Variants in SHOX observed in about 807,000 individuals in gnomAD.
SHOX encodes the protein SHOX homeobox, also known as short stature homeobox protein.
SHOX carries 12 observed loss-of-function variants against 29.6 expected under a neutral mutation model. The ratio of observed to expected loss-of-function variants is 0.41; its 90% confidence interval spans 0.26 to 0.66. SHOX has a LOEUF of 0.66. SHOX is among the 30% of genes least tolerant of loss of function. SHOX has a pLI of 0.35. For synonymous variants in SHOX, 214 were observed against 200.6 expected (o/e 1.07, Z -0.57); for missense variants, 499 against 437.7 (o/e 1.14, Z -1.25).
chrX:630,888 G>C lies in SHOX; in HGVS notation c.-10G>C, dbSNP rs754355154. On this transcript the variant is annotated 5_prime_UTR_variant, in exon 1 of 5. Transcript: ENST00000686671. Reference sequence around the variant, plus strand: ...CCAGCCCCGGCTGCTCGCCAGCCCCGGCCCCAGCCATGGAAGAGCTCACGG... The same window carrying C: ...CCAGCCCCGGCTGCTCGCCAGCCCCCGCCCCAGCCATGGAAGAGCTCACGG... 3.1e-6 allele frequency: 5 copies of C among 1,610,756 alleles called. No individual in the cohort carries two copies. Among genetic ancestry groups the C allele is most frequent in the Middle Eastern group, 1.7e-4 (1 of 5,850 alleles).
In SHOX at chrX:630,914, C is replaced by T; in HGVS notation, c.17C>T (p.Ala6Val). Residue 6 changes from alanine (A) to valine (V), a missense_variant, in exon 1 of 5, where the codon GCT becomes GTT. Transcript: ENST00000686671. ...GCCCCAGCCATGGAAGAGCTCACGG[C>T]TTTTGTATCCAAGTCTTTTGACCAG... The part of the protein sequence containing the change: MEELT[A>V]FVSKSFDQKS... 1 of 1,613,614 alleles carries T rather than the reference C, an allele frequency of 6.2e-7. No homozygotes were observed. Among genetic ancestry groups the T allele is most frequent in the Non-Finnish European group, 8.5e-7 (1 of 1,179,840 alleles).
Position 656,826 on chromosome X carries a change from G to A in SHOX, c.634-1959G>A, listed in dbSNP as rs928984108. The stretch of plus-strand genomic sequence containing the variant: ...CCACTGCCCTCCAGCCTGGGCCACA[G>A]AGCAAGACTCCGTCTCAAAAAAAAA... On this transcript the variant is annotated intron_variant, in intron 5 of 5. Transcript: ENST00000334060. 5.3e-5 allele frequency among the ~76,000 whole-genome samples: 7 copies of A among 131,972 alleles called. 1 individual carries two copies. Among genetic ancestry groups the A allele is most frequent in the Non-Finnish European group, 9.4e-5 (6 of 63,642 alleles). 86.6% of individuals were successfully genotyped at this position (131,972 alleles called of 152,430 possible). A position where few individuals can be genotyped will look rare whatever the true frequency, so the allele number is the denominator to read the frequency against.
intron 4 of SHOX, among the ~76,000 whole-genome samples, chrX:643,809 G>A (rs1419953684): frequency 3.5e-4 from 46 of 131,358 alleles, no homozygotes; most frequent in Middle Eastern, 4.4e-3. Context: ...GGTGTCTCGG[G>A]AGAGAGCCTT....
intron 1 of SHOX, among the ~76,000 whole-genome samples, chrX:633,914 C>T (rs1351914341): frequency 6.6e-6 from 1 of 152,128 alleles, no homozygotes; most frequent in African/African-American, 2.4e-5. Context: ...TTCTGACTCC[C>T]CCAGCAAATA....
intron 5 of SHOX, among the ~76,000 whole-genome samples, chrX:658,275 C>A (rs1044955766): frequency 2.0e-5 from 3 of 151,498 alleles, no homozygotes; most frequent in African/African-American, 7.3e-5. Flanking sequence ...ACGCCCGGCC[C>A]CAGGTGGTCT....
downstream of SHOX, among the ~76,000 whole-genome samples, chrX:653,490 C>T (rs2053096460): frequency 6.6e-6 from 1 of 152,100 alleles, no homozygotes; most frequent in African/African-American, 2.4e-5. Flanking sequence ...TGAATGGAAT[C>T]TTCCTGGATA....
At chrX:651,836 C>A (rs958864106), downstream of SHOX, among the ~76,000 whole-genome samples, 2 of 151,952 alleles carry the variant, frequency 1.3e-5, no homozygotes, top group South Asian at 2.1e-4. Context: ...CAACGTCCCC[C>A]CAGAAGGTGG....
chrX:626,247 T>C (rs1301610283), upstream of SHOX, among the ~76,000 whole-genome samples: 1 of 150,924 alleles, frequency 6.6e-6, no homozygotes, highest in Non-Finnish European at 1.5e-5. Context: ...TCTTTCTCTC[T>C]CTCCTCTCTC....
chrX:650,358 G>A lies in SHOX; in HGVS notation c.*5722G>A, dbSNP rs186911358. 6.4e-3 allele frequency among the ~76,000 whole-genome samples: 970 copies of A among 152,094 alleles called. 16 individuals are homozygous for A. The East Asian group carries it at 0.071, about 11-fold the overall frequency. On this transcript the variant is annotated 3_prime_UTR_variant, in exon 5 of 5. Coordinates refer to ENST00000686671, the MANE Select transcript of SHOX (RefSeq NM_000451.4). ...CCCGCCAAAGTCCAGCCAGGCCCCC[G>A]AAATGGTCCCATTTCCTTGGAAGCC...
intron 1 of SHOX, among the ~76,000 whole-genome samples, chrX:624,910 CTTTCTTTCTTTCTTTCTTTCTT>C (rs2052486557): frequency 1.5e-5 from 1 of 68,064 alleles, no homozygotes; most frequent in Non-Finnish European, 2.6e-5. Context: ...TTCTCTCTTC[CTTTCTTTCTTTCTTTCTTTCTT>C]TTCTTTCTTT....
chrX:650,549 G>C lies in SHOX; in HGVS notation c.*5913G>C, dbSNP rs945723451. ...TGGTCAGGATGAAAGGGAAATACCA[G>C]AGTCCTCTGTCCTCGCCTCTGGGTT... On this transcript the variant is annotated 3_prime_UTR_variant, in exon 5 of 5. Transcript: ENST00000686671. Among the ~76,000 whole-genome samples, 41 of 151,962 alleles carry C rather than the reference G, an allele frequency of 2.7e-4. 2 individuals carry two copies. The highest frequency in any genetic ancestry group is 5.9e-5 in the Non-Finnish European group (4 of 68,020).
exon 6 of SHOX, chrX:658,810 G>T (rs755702135): frequency 4.9e-6 from 2 of 410,452 alleles, no homozygotes; most frequent in African/African-American, 2.2e-5. Context: ...TGTCGCCCGG[G>T]CTGGAGTATA....
At chrX:630,315 C>CT (rs1556456890), upstream of SHOX, among the ~76,000 whole-genome samples, 3 of 137,368 alleles carry the variant, frequency 2.2e-5, no homozygotes, top group Non-Finnish European at 4.9e-5. Context: ...GGATCCCCCC[C>CT]TCGCCATCTC....
Position 644,550 on chromosome X carries a change from G to A in SHOX, c.793G>A (p.Ala265Thr). The A allele has an allele frequency of 4.0e-6, 6 of 1,517,694 alleles. No homozygotes were observed. Among genetic ancestry groups the A allele is most frequent in the African/African-American group, 1.4e-5 (1 of 70,462 alleles). The allele number at this position is 1,517,694 out of a possible 1,614,324, so 94.0% of individuals were successfully genotyped here. A position where few individuals can be genotyped will look rare whatever the true frequency, so the allele number is the denominator to read the frequency against. ...CGCCTCGGCCGCCGCCGTGGTCGCCGCCGCCGCCAAAAGCAACAGCAAGAA... is the reference window on the plus strand; with the variant it reads ...CGCCTCGGCCGCCGCCGTGGTCGCCACCGCCGCCAAAAGCAACAGCAAGAA... ...ESASAAAVVAAAAKSNSKNSS... is the reference protein window; with the variant it reads ...ESASAAAVVATAAKSNSKNSS... Residue 265 changes from alanine (A) to threonine (T), a missense_variant, in exon 5 of 5, where the codon GCC (alanine) becomes ACC (threonine). Physicochemically the swap from Ala to Thr is moderately conservative, Grantham distance 58. Coordinates refer to ENST00000686671, the MANE Select transcript of SHOX (RefSeq NM_000451.4).
chrX:649,863 C>A lies in SHOX; in HGVS notation c.*5227C>A. On this transcript the variant is annotated 3_prime_UTR_variant, in exon 5 of 5. Transcript: ENST00000686671. ...GCAGTTGAGCAAAAAACACTTCTTC[C>A]TTTGAGTGGCTGTTCTGGTGAAATC... is the stretch of plus-strand genomic sequence containing the variant. 2.2e-6 allele frequency: 1 copy of A among 455,210 alleles called. No homozygotes were observed. Among genetic ancestry groups the A allele is most frequent in the Non-Finnish European group, 4.4e-6 (1 of 226,382 alleles). 28.2% of individuals were successfully genotyped at this position (455,210 alleles called of 1,614,324 possible). A position where few individuals can be genotyped will look rare whatever the true frequency, so the allele number is the denominator to read the frequency against.
rs1029594454 is a variant in SHOX at position 649,520 on chromosome X, C to T, written c.*4884C>T. On this transcript the variant is annotated 3_prime_UTR_variant, in exon 5 of 5. Coordinates refer to ENST00000686671, the MANE Select transcript of SHOX (RefSeq NM_000451.4). ...AAATTGAATTTATGGGGTGGGTGTA[C>T]GCTGGCGATTCTTGGTGCTTTTTGC... is the stretch of plus-strand genomic sequence containing the variant. Among the ~76,000 whole-genome samples, 20 of 152,104 alleles carry T rather than the reference C, an allele frequency of 1.3e-4. No homozygotes were observed. Among genetic ancestry groups the T allele is most frequent in the South Asian group, 4.2e-4 (2 of 4,816 alleles).
At chrX:625,057 T>TCCTTCCTTCCTCCCTCCTTC (rs1556451931) in intron 1 of SHOX, among the ~76,000 whole-genome samples, 1,674 of 97,116 alleles carry the variant, frequency 0.017, 57 homozygotes, top group African/African-American at 0.055. Flanking sequence ...CTCTGTTCCT[T>TCCTTCCTTCCTCCCTCCTTC]CCTCCCTCCC....
At chrX:634,571 G>A (rs377316301) in intron 1 of SHOX, 47 bp from the exon 2 acceptor site, 8 of 1,602,220 alleles carry the variant, frequency 5.0e-6, no homozygotes, top group Non-Finnish European at 6.8e-6. Flanking sequence ...GCCACGTTGC[G>A]CAAAACCTCC....
chrX:628,257 T>TC (rs2052576719), upstream of SHOX, among the ~76,000 whole-genome samples: 4 of 140,654 alleles, frequency 2.8e-5, no homozygotes, highest in Non-Finnish European at 3.1e-5. Context: ...GTCTCTCCCT[T>TC]TCTCTCTCTC....
Sources: gnomAD v4.1 joint callset for allele counts (sites outside exome capture counted in the v4.1 genomes callset) on GRCh38, gnomAD v4.1.1 for gene constraint, MANE v1.5 for transcripts, NCBI Gene and HGNC (gene_info 2026-07-23, HGNC 2026-07-21) for gene names.